ARL8B: variants seen among roughly 807,000 people sequenced by gnomAD.
ARL8B encodes ADP-ribosylation factor-like protein 8B.
Under a neutral mutation model 30.6 loss-of-function variants are expected in ARL8B, and 9 were observed. The ratio of observed to expected loss-of-function variants is 0.29; its 90% CI spans 0.18 to 0.51. The LOEUF (loss-of-function observed/expected upper bound fraction) is 0.51, where lower values mean the gene tolerates loss of function less well. Among genes scored for constraint, ARL8B ranks in the 20% least tolerant of loss-of-function variants. The pLI, the probability that ARL8B is intolerant of heterozygous loss-of-function variation, is 0.97. For synonymous variants in ARL8B, 74 were observed against 76.0 expected, an observed-to-expected ratio of 0.97 and a Z score of 0.14; for missense variants, 130 against 227.2, an observed-to-expected ratio of 0.57 and a Z score of 2.75.
At chr3:5,159,329 G>T (rs927273716) in intron 1 of ARL8B, among the ~76,000 whole-genome samples, 1 of 139,212 alleles carries the variant, frequency 7.2e-6, no homozygotes, top group Non-Finnish European at 1.6e-5. Context: ...AATGCCAGGT[G>T]CGGTGGCTCA....
intron 1 of ARL8B, among the ~76,000 whole-genome samples, chr3:5,152,877 C>CA (rs2054496777): frequency 6.6e-6 from 1 of 152,082 alleles, no homozygotes; most frequent in Non-Finnish European, 1.5e-5. Context: ...TGTGTTTAGA[C>CA]CATTGCCTTT....
chr3:5,124,307 A>G (rs890941906), intron 1 of ARL8B, among the ~76,000 whole-genome samples: 2 of 110,756 alleles, frequency 1.8e-5, no homozygotes, highest in African/African-American at 3.5e-5. Context: ...AGATCTTCCT[A>G]TGTTGCCAGG....
At chr3:5,163,874 A>T (rs2054602664) in intron 1 of ARL8B, among the ~76,000 whole-genome samples, 1 of 152,226 alleles carries the variant, frequency 6.6e-6, no homozygotes, top group African/African-American at 2.4e-5. Flanking sequence ...CCGTCTTGGG[A>T]GAAAAAAAGA....
At chr3:5,150,430 T>C (rs916750164) in intron 1 of ARL8B, among the ~76,000 whole-genome samples, 2 of 149,960 alleles carry the variant, frequency 1.3e-5, no homozygotes, top group African/African-American at 2.5e-5. Flanking sequence ...GCCACTGCAC[T>C]CCAGCCTTGG....
intron 1 of ARL8B, among the ~76,000 whole-genome samples, chr3:5,137,917 ATCT>A (rs1575561481): frequency 6.6e-6 from 1 of 151,918 alleles, no homozygotes; most frequent in African/African-American, 2.4e-5. Context: ...TTCTTTTTAA[ATCT>A]TCTTTCTTTG....
intron 1 of ARL8B, among the ~76,000 whole-genome samples, chr3:5,145,939 C>A (rs958098245): frequency 7.2e-5 from 11 of 152,206 alleles, no homozygotes; most frequent in African/African-American, 2.4e-4. Context: ...TAGAGACTTG[C>A]AATCCCCTCT....
At chr3:5,127,872 CAAAAAAAAAAAAAA>C (rs748657502) in intron 1 of ARL8B, among the ~76,000 whole-genome samples, 21 of 10,594 alleles carry the variant, frequency 2.0e-3, no homozygotes, top group South Asian at 0.016. Flanking sequence ...GACTCCGTCT[CAAAAAAAAAAAAAA>C]AAAAAAAAAA....
intron 1 of ARL8B, among the ~76,000 whole-genome samples, chr3:5,166,810 G>A (rs966996611): frequency 2.0e-5 from 3 of 152,230 alleles, no homozygotes; most frequent in Non-Finnish European, 4.4e-5. Flanking sequence ...GCAAAGTGGA[G>A]TGTTGGCACT....
At chr3:5,143,429 C>T (rs2106559189) in intron 1 of ARL8B, among the ~76,000 whole-genome samples, 1 of 152,298 alleles carries the variant, frequency 6.6e-6, no homozygotes, top group Non-Finnish European at 1.5e-5. Flanking sequence ...TGGTATAGAG[C>T]CAACGTGCAA....
intron 1 of ARL8B, among the ~76,000 whole-genome samples, chr3:5,123,350 ATAGCT>A (rs1464248905): frequency 6.6e-6 from 1 of 152,236 alleles, no homozygotes; most frequent in Non-Finnish European, 1.5e-5. Context: ...GGGCAGGAAC[ATAGCT>A]TAGCAGGCCT....
intron 1 of ARL8B, among the ~76,000 whole-genome samples, chr3:5,163,079 C>T (rs1046494568): frequency 9.3e-5 from 14 of 150,142 alleles, no homozygotes; most frequent in African/African-American, 3.0e-4. Flanking sequence ...CCTCCGCTTC[C>T]CTGGTTGAAG....
At chr3:5,136,726 GC>G (rs1014146156) in intron 1 of ARL8B, among the ~76,000 whole-genome samples, 4 of 151,728 alleles carry the variant, frequency 2.6e-5, no homozygotes, top group African/African-American at 4.9e-5. Context: ...GAGGAAGTAG[GC>G]CTTTGAAGTA....
At chr3:5,147,944 C>G (rs913010377) in intron 1 of ARL8B, among the ~76,000 whole-genome samples, 14 of 150,628 alleles carry the variant, frequency 9.3e-5, no homozygotes, top group African/African-American at 2.9e-4. Context: ...TCTTTGATCC[C>G]TTTAATTATT....
chr3:5,170,425 A>G, intron 1 of ARL8B, 78 bp from the exon 2 acceptor site: 1 of 911,276 alleles, frequency 1.1e-6, no homozygotes, highest in African/African-American at 1.7e-5. Flanking sequence ...ATGGTTACAA[A>G]TGCAATGTTG....
At chr3:5,133,055 A>G (rs1380397160) in intron 1 of ARL8B, among the ~76,000 whole-genome samples, 1 of 152,164 alleles carries the variant, frequency 6.6e-6, no homozygotes, top group East Asian at 1.9e-4. Flanking sequence ...TGGGGAGCAA[A>G]GCAGACAATG....
At chr3:5,130,121 C>G (rs2054269113) in intron 1 of ARL8B, among the ~76,000 whole-genome samples, 2 of 152,138 alleles carry the variant, frequency 1.3e-5, no homozygotes, top group African/African-American at 4.8e-5. Flanking sequence ...GCCTTGGCCT[C>G]CCAAAGTACT....
In ARL8B at chr3:5,161,171, CG is replaced by C. The variant is rs1559283557; in HGVS notation, c.124-9328del. Among the ~76,000 whole-genome samples, 3 of 152,180 alleles carry C rather than the reference CG, an allele frequency of 2.0e-5. No homozygotes were observed. In the East Asian group the frequency reaches 5.8e-4, roughly 29 times the overall value. On this transcript the variant is annotated intron_variant, in intron 1 of 6. Transcript: ENST00000256496. ...TCCACCCACTTTGGCCTCCCACGGC[CG>C]GGGATTACAGGGGTGAGGCACTGTA...
chr3:5,123,898 G>C (rs181123760), intron 1 of ARL8B, among the ~76,000 whole-genome samples: 4 of 152,272 alleles, frequency 2.6e-5, no homozygotes, highest in Admixed American at 1.3e-4. Flanking sequence ...TCTTGAGACG[G>C]AGTCTCGCTT....
At chr3:5,123,941 T>C (rs1454207352) in intron 1 of ARL8B, among the ~76,000 whole-genome samples, 3 of 152,170 alleles carry the variant, frequency 2.0e-5, no homozygotes, top group Non-Finnish European at 2.9e-5. Flanking sequence ...TGGCGAGATC[T>C]CAGCTCACTG....
Sources: allele counts gnomAD v4.1 joint callset (sites outside exome capture counted in the v4.1 genomes callset), GRCh38; gene constraint gnomAD v4.1.1; transcripts MANE v1.5; gene names NCBI Gene and HGNC (gene_info 2026-07-23, HGNC 2026-07-21).